The following STX18 variants were observed in gnomAD, a reference collection of about 807,000 sequenced individuals.
The protein encoded by STX18 is syntaxin 18.
In STX18, 40 loss-of-function variants were observed where a neutral mutation model predicts 50.1. The observed-to-expected ratio is 0.80, with a 90% CI of 0.62 to 1.04. The LOEUF (loss-of-function observed/expected upper bound fraction) is 1.04, where lower values mean the gene tolerates loss of function less well. STX18 is among the 50% of genes least tolerant of loss of function. STX18 has a pLI of 0.00. For missense variants in STX18, 410 were observed against 415.8 expected (o/e 0.99, Z 0.12); for synonymous variants, 158 against 151.8 (o/e 1.04, Z -0.30).
chr4:4,509,572 G>C (rs1577388044), intron 1 of STX18, among the ~76,000 whole-genome samples: 1 of 151,936 alleles, frequency 6.6e-6, no homozygotes, highest in South Asian at 2.1e-4. Context: ...ATGATCATGG[G>C]TTTTGGTTAC....
intron 1 of STX18, chr4:4,481,548 G>C (rs1441507660): frequency 6.6e-6 from 1 of 152,130 alleles, no homozygotes; most frequent in African/African-American, 2.4e-5. Flanking sequence ...AAAAACCACT[G>C]CTGTATGTTT....
At chr4:4,488,908 T>C (rs1285398121) in intron 1 of STX18, among the ~76,000 whole-genome samples, 6 of 152,164 alleles carry the variant, frequency 3.9e-5, no homozygotes, top group Admixed American at 3.9e-4. Flanking sequence ...GCAAAGAGAA[T>C]AGCAAAAGCA....
chr4:4,484,058 T>G (rs1349333322), intron 1 of STX18, among the ~76,000 whole-genome samples: 2 of 152,156 alleles, frequency 1.3e-5, no homozygotes, highest in Non-Finnish European at 2.9e-5. Context: ...GAGATGGGGT[T>G]TCACCATGTT....
chr4:4,462,800 T>A (rs551337082), intron 2 of STX18, among the ~76,000 whole-genome samples: 2 of 152,174 alleles, frequency 1.3e-5, no homozygotes, highest in Non-Finnish European at 2.9e-5. Flanking sequence ...TGCCCTTAAG[T>A]GGCAGAGCTG....
chr4:4,474,193 C>T (rs1016592668), intron 1 of STX18, among the ~76,000 whole-genome samples: 4 of 152,170 alleles, frequency 2.6e-5, no homozygotes, highest in African/African-American at 4.8e-5. Context: ...ATCCCATTCC[C>T]GCACAAAACG....
intron 1 of STX18, among the ~76,000 whole-genome samples, chr4:4,492,387 T>C (rs939961128): frequency 6.6e-6 from 1 of 152,112 alleles, no homozygotes; most frequent in Non-Finnish European, 1.5e-5. Context: ...AAGTACTTTG[T>C]TGGAAAGGAT....
At chr4:4,484,009 G>C (rs565486628) in intron 1 of STX18, among the ~76,000 whole-genome samples, 4,117 of 151,988 alleles carry the variant, frequency 0.027, 194 homozygotes, top group African/African-American at 0.092. Context: ...CTACAGGTGC[G>C]TGCCACCATG....
chr4:4,497,528 A>T (rs1308932898), intron 1 of STX18, among the ~76,000 whole-genome samples: 1 of 152,098 alleles, frequency 6.6e-6, no homozygotes, highest in African/African-American at 2.4e-5. Flanking sequence ...ACAAACATTA[A>T]CTCATTTAAT....
At chr4:4,447,921 T>C (rs1726517562) in intron 5 of STX18, among the ~76,000 whole-genome samples, 2 of 152,064 alleles carry the variant, frequency 1.3e-5, no homozygotes, top group South Asian at 4.1e-4. Flanking sequence ...ATAATGCAAA[T>C]AATTCAGAGA....
At chr4:4,448,131 C>G (rs7663517) in intron 5 of STX18, among the ~76,000 whole-genome samples, 56,123 of 152,038 alleles carry the variant, frequency 0.37, 15,003 homozygotes, top group African/African-American at 0.76. Flanking sequence ...ACACTGCACA[C>G]CAGACTGACC....
rs553198738 is a variant in STX18, at chr4:4,450,996, A to G, written c.497+6195T>C. On this transcript the variant is annotated intron_variant, in intron 5 of 10. Transcript: ENST00000306200. ...GAGTGCCTTTCTTTTCTTAAGTGAT[A>G]AAAACAGATTCTAACTATATACAGA... is the stretch of plus-strand genomic sequence containing the variant. 2.0e-5 allele frequency among the ~76,000 whole-genome samples: 3 copies of G among 152,374 alleles called. No individual in the cohort carries two copies. In the South Asian group the frequency reaches 6.2e-4, roughly 32 times the overall value.
intron 1 of STX18, among the ~76,000 whole-genome samples, chr4:4,492,420 G>A (rs1728982384): frequency 6.6e-6 from 1 of 152,038 alleles, no homozygotes; most frequent in Non-Finnish European, 1.5e-5. Flanking sequence ...TATATTCACT[G>A]AAAACTTTTC....
chr4:4,533,685 G>A (rs991529833), intron 1 of STX18, among the ~76,000 whole-genome samples: 1 of 152,168 alleles, frequency 6.6e-6, no homozygotes, highest in Non-Finnish European at 1.5e-5. Context: ...TGGTTCTTGG[G>A]CCTCCAAAAT....
At chr4:4,422,090 G>A (rs1724997934) in intron 9 of STX18, among the ~76,000 whole-genome samples, 1 of 152,128 alleles carries the variant, frequency 6.6e-6, no homozygotes, top group Non-Finnish European at 1.5e-5. Context: ...GGCAGCATGT[G>A]GCCTCTGATT....
intron 5 of STX18, among the ~76,000 whole-genome samples, chr4:4,455,421 T>C (rs995642297): frequency 6.6e-6 from 1 of 152,216 alleles, no homozygotes; most frequent in African/African-American, 2.4e-5. Flanking sequence ...CAATTTCACA[T>C]CTGTTTCACA....
At chr4:4,499,962 G>A (rs1368842585) in intron 1 of STX18, among the ~76,000 whole-genome samples, 1 of 151,824 alleles carries the variant, frequency 6.6e-6, no homozygotes, top group Non-Finnish European at 1.5e-5. Flanking sequence ...CCTGACCACT[G>A]GGATCCTCAC....
At chr4:4,484,950 A>G (rs186691384) in intron 1 of STX18, among the ~76,000 whole-genome samples, 1 of 152,344 alleles carries the variant, frequency 6.6e-6, no homozygotes, top group African/African-American at 2.4e-5. Context: ...AGAACAGAAC[A>G]AGAAGTTCCA....
At chr4:4,441,429 A>C (rs1190677764) in intron 5 of STX18, among the ~76,000 whole-genome samples, 1 of 152,242 alleles carries the variant, frequency 6.6e-6, no homozygotes, top group Non-Finnish European at 1.5e-5. Context: ...TAACAACAAC[A>C]AAATGACTTA....
At chr4:4,476,033 G>A (rs1728158937) in intron 1 of STX18, 1 of 152,244 alleles carries the variant, frequency 6.6e-6, no homozygotes, top group Non-Finnish European at 1.5e-5. Context: ...TACTTGAGGT[G>A]TGTTCAGAAG....
Sources: allele counts gnomAD v4.1 joint callset (sites outside exome capture counted in the v4.1 genomes callset), GRCh38; gene constraint gnomAD v4.1.1; transcripts MANE v1.5; gene names NCBI Gene and HGNC (gene_info 2026-07-23, HGNC 2026-07-21).